Variants in AGBL4 observed in about 807,000 individuals in gnomAD.
AGBL4 encodes cytosolic carboxypeptidase 6.
A neutral mutation model predicts 66.4 loss-of-function variants in AGBL4; 58 were observed. That is an observed-to-expected ratio of 0.87 (90% CI 0.71 to 1.09). The LOEUF is 1.09. AGBL4 is among the 50% of genes least tolerant of loss of function. AGBL4 has a pLI of 0.00. For synonymous variants in AGBL4, 234 were observed against 222.9 expected, an observed-to-expected ratio of 1.05 and a Z score of -0.44; for missense variants, 579 against 631.0, an observed-to-expected ratio of 0.92 and a Z score of 0.88.
chr1:49,937,821 T>G (rs1054011224), intron 1 of AGBL4, among the ~76,000 whole-genome samples: 2 of 151,938 alleles, frequency 1.3e-5, no homozygotes, highest in African/African-American at 4.8e-5. Context: ...TACCAGAATG[T>G]CTGGGACACA....
intron 3 of AGBL4, among the ~76,000 whole-genome samples, chr1:49,329,529 G>T (rs1000348788): frequency 6.6e-6 from 1 of 151,860 alleles, no homozygotes; most frequent in Non-Finnish European, 1.5e-5. Context: ...AGCCGGACGG[G>T]GTGGTACACA....
chr1:48,581,750 A>C (rs1252473156), intron 11 of AGBL4, among the ~76,000 whole-genome samples: 1 of 152,240 alleles, frequency 6.6e-6, no homozygotes, highest in African/African-American at 2.4e-5. Flanking sequence ...ATCTGCATGC[A>C]TTCTCCCATG....
chr1:48,531,207 T>TTCTC (rs59031219), downstream of AGBL4, among the ~76,000 whole-genome samples: 2 of 150,026 alleles, frequency 1.3e-5, no homozygotes, highest in African/African-American at 4.9e-5. Flanking sequence ...GCTTTTTTTT[T>TTCTC]TCTCTCTCTC....
intron 8 of AGBL4, among the ~76,000 whole-genome samples, chr1:48,635,182 T>C (rs1645649083): frequency 1.3e-5 from 2 of 152,300 alleles, no homozygotes; most frequent in African/African-American, 4.8e-5. Flanking sequence ...AGACTGAAGA[T>C]TTCCAGACAT....
At chr1:49,173,231 C>T (rs911931026) in intron 4 of AGBL4, among the ~76,000 whole-genome samples, 3 of 152,090 alleles carry the variant, frequency 2.0e-5, no homozygotes, top group African/African-American at 2.4e-5. Context: ...ATGCCTATTA[C>T]GTATGAAGCC....
intron 11 of AGBL4, among the ~76,000 whole-genome samples, chr1:48,580,004 G>A (rs930449490): frequency 5.9e-5 from 9 of 151,478 alleles, no homozygotes; most frequent in Non-Finnish European, 1.2e-4. Flanking sequence ...TTGTAGTTTC[G>A]ACTGAGATCT....
chr1:49,859,904 G>A (rs1360688035), intron 1 of AGBL4, among the ~76,000 whole-genome samples: 1 of 152,004 alleles, frequency 6.6e-6, no homozygotes, highest in Non-Finnish European at 1.5e-5. Context: ...AGGACAAAAA[G>A]TCAATAGAAG....
At chr1:48,805,499 A>G (rs1439489270) in intron 6 of AGBL4, among the ~76,000 whole-genome samples, 1 of 152,210 alleles carries the variant, frequency 6.6e-6, no homozygotes, top group Non-Finnish European at 1.5e-5. Flanking sequence ...AGGGATAATA[A>G]CATCATTTCC....
chr1:48,794,152 C>A (rs1645614684), intron 6 of AGBL4, among the ~76,000 whole-genome samples: 1 of 152,176 alleles, frequency 6.6e-6, no homozygotes, highest in Non-Finnish European at 1.5e-5. Flanking sequence ...ATTTTTAGAA[C>A]AGTTAGTGGG....
At chr1:49,155,851 C>T (rs1162111851) in intron 4 of AGBL4, among the ~76,000 whole-genome samples, 1 of 152,104 alleles carries the variant, frequency 6.6e-6, no homozygotes, top group Non-Finnish European at 1.5e-5. Flanking sequence ...GTTGGCCTGC[C>T]CAGTAAATGG....
At chr1:48,911,613 C>A (rs1653113228) in intron 5 of AGBL4, among the ~76,000 whole-genome samples, 1 of 143,382 alleles carries the variant, frequency 7.0e-6, no homozygotes, top group African/African-American at 2.6e-5. Context: ...GAGCAAAACT[C>A]CGTCTCAAAA....
chr1:48,871,111 T>A (rs1006332978), intron 5 of AGBL4, among the ~76,000 whole-genome samples: 1 of 152,122 alleles, frequency 6.6e-6, no homozygotes, highest in African/African-American at 2.4e-5. Flanking sequence ...TGACCAATAA[T>A]GTACAATCAG....
intron 3 of AGBL4, among the ~76,000 whole-genome samples, chr1:49,562,272 G>C (rs1296028474): frequency 6.6e-6 from 1 of 152,132 alleles, no homozygotes; most frequent in African/African-American, 2.4e-5. Context: ...TGTTCACTCT[G>C]ATGGTGGTTT....
intron 4 of AGBL4, among the ~76,000 whole-genome samples, chr1:49,183,928 A>G (rs1214483015): frequency 6.6e-6 from 1 of 152,180 alleles, no homozygotes; most frequent in East Asian, 1.9e-4. Flanking sequence ...CAAAATCCCA[A>G]CATTAAAATA....
chr1:49,812,593 A>G (rs1254204955), intron 2 of AGBL4, among the ~76,000 whole-genome samples: 1 of 152,178 alleles, frequency 6.6e-6, no homozygotes, highest in Non-Finnish European at 1.5e-5. Flanking sequence ...ATAATCTATG[A>G]ATACTGATGT....
intron 2 of AGBL4, among the ~76,000 whole-genome samples, chr1:49,822,760 C>A (rs1312036981): frequency 1.3e-5 from 2 of 152,082 alleles, no homozygotes; most frequent in Non-Finnish European, 1.5e-5. Flanking sequence ...TGTGCTTCTA[C>A]AACTAGTCTA....
At chr1:49,916,420 A>G (rs887974044) in intron 1 of AGBL4, among the ~76,000 whole-genome samples, 1 of 152,266 alleles carries the variant, frequency 6.6e-6, no homozygotes, top group Admixed American at 6.5e-5. Flanking sequence ...CCATGGCACA[A>G]GAACTACGTG....
intron 5 of AGBL4, among the ~76,000 whole-genome samples, chr1:48,944,388 G>A (rs867792319): frequency 2.0e-5 from 3 of 152,098 alleles, no homozygotes; most frequent in Admixed American, 6.5e-5. Context: ...AATTACTATC[G>A]CAGGCATGAG....
intron 2 of AGBL4, chr1:49,841,702 A>C (rs1422970617): frequency 1.3e-5 from 3 of 231,918 alleles, no homozygotes; most frequent in African/African-American, 2.3e-5. Flanking sequence ...TAAGCGGCAA[A>C]GCATACAAGA....
Sources: gnomAD v4.1 joint callset for allele counts (sites outside exome capture counted in the v4.1 genomes callset) on GRCh38, gnomAD v4.1.1 for gene constraint, MANE v1.5 for transcripts, NCBI Gene and HGNC (gene_info 2026-07-23, HGNC 2026-07-21) for gene names.